Variants in SHISA9 observed in about 807,000 individuals in gnomAD.
The protein encoded by SHISA9 is protein shisa-9.
In SHISA9, 13 loss-of-function variants were observed where a neutral mutation model predicts 38.0. The observed-to-expected ratio is 0.34, with a 90% CI of 0.22 to 0.54. SHISA9 has a LOEUF of 0.54. Among genes scored for constraint, SHISA9 ranks in the 20% least tolerant of loss-of-function variants. The pLI, the probability that SHISA9 is intolerant of heterozygous loss-of-function variation, is 0.91. For missense variants in SHISA9, 538 were observed against 575.8 expected, an observed-to-expected ratio of 0.93 and a Z score of 0.67; for synonymous variants, 275 against 242.0, an observed-to-expected ratio of 1.14 and a Z score of -1.27.
chr16:13,252,962 C>G, the SHISA9 span, among the ~76,000 whole-genome samples: 5 of 152,202 alleles, frequency 3.3e-5, no homozygotes, highest in African/African-American at 1.2e-4. Flanking sequence ...GCAAGACCAA[C>G]TCCTCTTCTC....
At chr16:13,439,958 G>A in the SHISA9 span, among the ~76,000 whole-genome samples, 1 of 152,216 alleles carries the variant, frequency 6.6e-6, no homozygotes, top group Non-Finnish European at 1.5e-5. Flanking sequence ...AGCTGGGCCT[G>A]TGATTAGATA....
At chr16:13,327,609 C>T in the SHISA9 span, among the ~76,000 whole-genome samples, 8 of 152,010 alleles carry the variant, frequency 5.3e-5, no homozygotes, top group Non-Finnish European at 1.2e-4. Flanking sequence ...GGGCAAGACT[C>T]TGTCTCAAAA....
At chr16:13,423,469 T>A in the SHISA9 span, among the ~76,000 whole-genome samples, 1 of 152,256 alleles carries the variant, frequency 6.6e-6, no homozygotes, top group Non-Finnish European at 1.5e-5. Context: ...CTGTTTTCAG[T>A]ATCTCCGAGA....
chr16:12,955,689 G>A lies in SHISA9; in HGVS notation c.691+38874G>A, dbSNP rs1007318265. Among the ~76,000 whole-genome samples, 18 of 149,848 alleles carry A rather than the reference G, an allele frequency of 1.2e-4. 1 individual carries two copies. The highest frequency in any genetic ancestry group is 4.2e-4 in the South Asian group (2 of 4,786). On this transcript the variant is annotated intron_variant, in intron 2 of 4. Coordinates refer to ENST00000558583, the MANE Select transcript of SHISA9 (RefSeq NM_001145204.3). Reference sequence around the variant, plus strand: ...GCCTTTTAAATAAATGGTACTGGGAGAATTGGCTAGCCATATGCAGAAAAA... The same window carrying A: ...GCCTTTTAAATAAATGGTACTGGGAAAATTGGCTAGCCATATGCAGAAAAA...
the SHISA9 span, among the ~76,000 whole-genome samples, chr16:13,341,694 T>C: frequency 6.6e-6 from 1 of 152,212 alleles, no homozygotes; most frequent in African/African-American, 2.4e-5. Context: ...GTTTCTCCAT[T>C]TTAAACACGC....
the SHISA9 span, among the ~76,000 whole-genome samples, chr16:13,403,435 T>C: frequency 2.6e-5 from 4 of 152,194 alleles, no homozygotes; most frequent in Non-Finnish European, 4.4e-5. Flanking sequence ...GGATGGATGA[T>C]TGGATGAATG....
At chr16:13,011,843 T>G (rs1383963112) in intron 2 of SHISA9, among the ~76,000 whole-genome samples, 1 of 151,172 alleles carries the variant, frequency 6.6e-6, no homozygotes, top group Admixed American at 6.6e-5. Context: ...TTTTTGTTTT[T>G]GAGACAGAGT....
chr16:13,389,990 C>T, the SHISA9 span, among the ~76,000 whole-genome samples: 2 of 152,122 alleles, frequency 1.3e-5, no homozygotes, highest in East Asian at 1.9e-4. Flanking sequence ...AGGCACCTGG[C>T]TTAAAGGAGT....
intron 2 of SHISA9, among the ~76,000 whole-genome samples, chr16:12,946,866 C>G (rs1198158741): frequency 6.6e-6 from 1 of 152,356 alleles, no homozygotes; most frequent in South Asian, 2.1e-4. Flanking sequence ...TGGGGGAATT[C>G]CTGCTTGCCC....
At chr16:13,257,008 T>C in the SHISA9 span, among the ~76,000 whole-genome samples, 1 of 152,194 alleles carries the variant, frequency 6.6e-6, no homozygotes, top group African/African-American at 2.4e-5. Context: ...CTGGTGCCCT[T>C]GAACCCAGTG....
the SHISA9 span, among the ~76,000 whole-genome samples, chr16:13,362,314 A>C: frequency 6.6e-6 from 1 of 151,852 alleles, no homozygotes; most frequent in Admixed American, 6.6e-5. Context: ...GTGCTTCTGT[A>C]GTCCCAGCCA....
the SHISA9 span, among the ~76,000 whole-genome samples, chr16:13,364,301 G>T: frequency 1.3e-5 from 2 of 152,202 alleles, no homozygotes; most frequent in Non-Finnish European, 2.9e-5. Flanking sequence ...GATATTCACA[G>T]GCTCCAAGAA....
At chr16:13,445,508 A>T in the SHISA9 span, among the ~76,000 whole-genome samples, 1 of 152,212 alleles carries the variant, frequency 6.6e-6, no homozygotes, top group Non-Finnish European at 1.5e-5. Flanking sequence ...TATTGGCTTA[A>T]ATATTAGTGA....
the SHISA9 span, among the ~76,000 whole-genome samples, chr16:13,533,827 A>G: frequency 2.9e-5 from 4 of 139,502 alleles, no homozygotes; most frequent in Non-Finnish European, 6.0e-5. Flanking sequence ...TGTATCGCCT[A>G]GGCTGGAGTG....
At chr16:13,314,277 G>A in the SHISA9 span, among the ~76,000 whole-genome samples, 4 of 151,188 alleles carry the variant, frequency 2.6e-5, no homozygotes, top group African/African-American at 7.3e-5. Flanking sequence ...GCAATGGCAC[G>A]ATCTCAGCTG....
intron 2 of SHISA9, among the ~76,000 whole-genome samples, chr16:12,951,812 G>A (rs1441527058): frequency 6.6e-6 from 1 of 152,194 alleles, no homozygotes; most frequent in African/African-American, 2.4e-5. Flanking sequence ...TAGGGGTTGC[G>A]GTGGAGCAGG....
the SHISA9 span, among the ~76,000 whole-genome samples, chr16:13,395,329 G>T: frequency 6.6e-6 from 1 of 152,236 alleles, no homozygotes; most frequent in Non-Finnish European, 1.5e-5. Context: ...GTAGACCAAA[G>T]AAAGGTTGCC....
At chr16:12,942,055 G>C (rs567064315) in intron 2 of SHISA9, among the ~76,000 whole-genome samples, 1 of 152,150 alleles carries the variant, frequency 6.6e-6, no homozygotes, top group Non-Finnish European at 1.5e-5. Flanking sequence ...GGAGCCATTT[G>C]GGACCCTCAG....
chr16:13,134,128 G>A (rs1381561743), intron 2 of SHISA9, among the ~76,000 whole-genome samples: 1 of 152,138 alleles, frequency 6.6e-6, no homozygotes, highest in Non-Finnish European at 1.5e-5. Context: ...ACAGCACAGT[G>A]GTTAAGAAGT....
Sources: allele counts gnomAD v4.1 joint callset (sites outside exome capture counted in the v4.1 genomes callset), GRCh38; gene constraint gnomAD v4.1.1; transcripts MANE v1.5; gene names NCBI Gene and HGNC (gene_info 2026-07-23, HGNC 2026-07-21).